Variants in HSD17B4 observed in about 807,000 individuals in gnomAD.
The protein encoded by HSD17B4 is hydroxysteroid 17-beta dehydrogenase 4, also known as peroxisomal multifunctional enzyme type 2.
In HSD17B4, 70 loss-of-function variants were observed where a neutral mutation model predicts 101.0. The observed-to-expected ratio is 0.69, with a 90% confidence interval of 0.57 to 0.85. HSD17B4 has a LOEUF of 0.85. HSD17B4 is among the 40% of genes least tolerant of loss of function. The probability of loss-of-function intolerance (pLI) is 0.00; values close to 1 mark genes in which losing one functional copy is unlikely to be tolerated. For missense variants in HSD17B4, 984 were observed against 892.4 expected (o/e 1.10, Z -1.31); for synonymous variants, 347 against 297.1 (o/e 1.17, Z -1.73).
intron 16 of HSD17B4, among the ~76,000 whole-genome samples, chr5:119,510,852 A>C (rs568687970): frequency 8.5e-5 from 13 of 152,186 alleles, no homozygotes; most frequent in Admixed American, 5.9e-4. Context: ...GCAGACTATT[A>C]ACTTTTCTTA....
rs775795599 is a variant in HSD17B4, at chr5:119,527,151, G to C, written c.1699G>C (p.Val567Leu). 1.9e-6 allele frequency: 3 copies of C among 1,602,168 alleles called. No individual in the cohort carries two copies. In the East Asian group the frequency reaches 6.7e-5, roughly 36 times the overall value. Residue 567 changes from valine (V) to leucine (L), a missense_variant, in exon 20 of 24, where the codon GTA becomes CTA. Transcript: ENST00000510025. ...KAIKARFAKP[V>L]YPGQTLQTEM... ...TTTAAAGGCTCGTTTTGCAAAACCA[G>C]TATATCCAGGACAAACTCTACAAAC...
intron 14 of HSD17B4, among the ~76,000 whole-genome samples, chr5:119,504,633 T>C (rs984276717): frequency 2.0e-5 from 3 of 152,138 alleles, no homozygotes; most frequent in African/African-American, 7.2e-5. Context: ...GGATTATTTG[T>C]TTTTTGCTTG....
intron 19 of HSD17B4, 45 bp from the exon 20 acceptor site, chr5:119,527,088 A>C: frequency 8.7e-7 from 1 of 1,145,700 alleles, no homozygotes; most frequent in Non-Finnish European, 1.3e-6. Flanking sequence ...CAAGTAAAAG[A>C]GTTTCCTTTT....
rs35513863 is a variant in HSD17B4, at chr5:119,456,418, A to C, written c.112+50A>C. 176 of 1,031,726 alleles carry C rather than the reference A, an allele frequency of 1.7e-4. 1 individual carries two copies. In the African/African-American group the frequency reaches 2.5e-3, roughly 15 times the overall value. 63.9% of individuals were successfully genotyped at this position (1,031,726 alleles called of 1,614,324 possible). A position where few individuals can be genotyped will look rare whatever the true frequency, so the allele number is the denominator to read the frequency against. On this transcript the variant is annotated intron_variant, in intron 2 of 23. Coordinates refer to ENST00000510025, the MANE Select transcript of HSD17B4 (RefSeq NM_000414.4). Reference sequence around the variant, plus strand: ...AATCTGTAGCTGATAACTGAAATACAATCTTTACAAGCTATCTTTGTCTTT... The same window carrying C: ...AATCTGTAGCTGATAACTGAAATACCATCTTTACAAGCTATCTTTGTCTTT...
At chr5:119,515,091 A>G (rs1752497635) in intron 17 of HSD17B4, 45 bp downstream of exon 17, 6 of 1,041,244 alleles carry the variant, frequency 5.8e-6, no homozygotes, top group Non-Finnish European at 9.1e-6. Flanking sequence ...CTGGTTGATG[A>G]CACTTTTTAA....
In HSD17B4 at chr5:119,477,659, A is replaced by T. The variant is rs201013794; in HGVS notation, c.434+158A>T. ...TGGTTTTGGCACATACCCTCATTAA[A>T]TTGGTATAATTTAGTCACAGATTGG... is the stretch of plus-strand genomic sequence containing the variant. On this transcript the variant is annotated intron_variant, in intron 7 of 23. Transcript: ENST00000510025. The T allele has an allele frequency of 4.6e-6, 3 of 656,058 alleles. No homozygotes were observed. The African/African-American group carries it at 5.4e-5, about 12-fold the overall frequency. 40.6% of individuals were successfully genotyped at this position (656,058 alleles called of 1,614,324 possible).
At chr5:119,526,819 C>CT (rs1372743805) in intron 19 of HSD17B4, among the ~76,000 whole-genome samples, 3 of 152,012 alleles carry the variant, frequency 2.0e-5, no homozygotes, top group Admixed American at 1.3e-4. Context: ...TTAACTGTTT[C>CT]TTTAAGTTGT....
In HSD17B4 at chr5:119,509,254, G is replaced by T. The variant is rs1299216692; in HGVS notation, c.1437+10G>T. 6.9e-7 allele frequency: 1 copy of T among 1,447,814 alleles called. No homozygotes were observed. The highest frequency in any genetic ancestry group is 1.1e-5 in the South Asian group (1 of 87,722). The allele number at this position is 1,447,814 out of a possible 1,614,324, so 89.7% of individuals were successfully genotyped here. A position where few individuals can be genotyped will look rare whatever the true frequency, so the allele number is the denominator to read the frequency against. ...ATCAGACAAAGTCAAGGTAAGCCAT[G>T]ACTTTGTAAGCAAAATATATGTGTA... On this transcript the variant is annotated intron_variant, in intron 16 of 23. Coordinates refer to ENST00000510025, the MANE Select transcript of HSD17B4 (RefSeq NM_000414.4).
At chr5:119,483,925 T>C (rs1173819781) in intron 8 of HSD17B4, among the ~76,000 whole-genome samples, 1 of 152,186 alleles carries the variant, frequency 6.6e-6, no homozygotes, top group Admixed American at 6.6e-5. Flanking sequence ...TTTCTAGTTG[T>C]CTAGAAAGAG....
chr5:119,531,164 CAG>C (rs1754059579), intron 21 of HSD17B4, 100 bp from the exon 22 acceptor site: 6 of 1,161,144 alleles, frequency 5.2e-6, no homozygotes, highest in Admixed American at 1.8e-5. Context: ...GACTTATGTA[CAG>C]AGTTTTAAAA....
intron 2 of HSD17B4, among the ~76,000 whole-genome samples, chr5:119,458,270 G>C (rs1179300275): frequency 1.3e-5 from 2 of 152,016 alleles, no homozygotes; most frequent in African/African-American, 4.8e-5. Context: ...CCTTTTTAAA[G>C]TCTGTGTCTT....
At chr5:119,466,301 A>G (rs1375105608) in intron 2 of HSD17B4, among the ~76,000 whole-genome samples, 1 of 152,140 alleles carries the variant, frequency 6.6e-6, no homozygotes. Flanking sequence ...TTTGGGTATC[A>G]GTATAATGCC....
intron 8 of HSD17B4, among the ~76,000 whole-genome samples, chr5:119,486,660 T>C (rs902388422): frequency 6.6e-6 from 1 of 152,182 alleles, no homozygotes; most frequent in East Asian, 1.9e-4. Flanking sequence ...AAGACTGTTA[T>C]GTGAATTTAC....
intron 2 of HSD17B4, among the ~76,000 whole-genome samples, chr5:119,473,087 T>C (rs1440716732): frequency 6.6e-6 from 1 of 152,154 alleles, no homozygotes; most frequent in East Asian, 1.9e-4. Flanking sequence ...CAGTGAACAT[T>C]GGAGTGCTAA....
chr5:119,517,765 G>A (rs572398198), intron 17 of HSD17B4, among the ~76,000 whole-genome samples: 139 of 152,096 alleles, frequency 9.1e-4, no homozygotes, highest in Non-Finnish European at 1.4e-3. Context: ...TCTAGCTCAG[G>A]GATTGTAAAT....
chr5:119,463,628 T>G (rs996768827), intron 2 of HSD17B4, among the ~76,000 whole-genome samples: 7 of 150,434 alleles, frequency 4.7e-5, no homozygotes, highest in Non-Finnish European at 7.4e-5. Flanking sequence ...GAACATTTTT[T>G]CATATACTTC....
At chr5:119,516,677 A>C (rs1017223921) in intron 17 of HSD17B4, among the ~76,000 whole-genome samples, 8 of 152,200 alleles carry the variant, frequency 5.3e-5, no homozygotes, top group South Asian at 2.1e-4. Flanking sequence ...ACTTTGCATA[A>C]ATTTCAGGGA....
intron 8 of HSD17B4, among the ~76,000 whole-genome samples, chr5:119,481,429 T>G (rs1261285033): frequency 6.6e-6 from 1 of 152,194 alleles, no homozygotes; most frequent in Non-Finnish European, 1.5e-5. Flanking sequence ...TCTCTGTTGG[T>G]GGCTTTTTTC....
intron 21 of HSD17B4, 118 bp from the exon 22 acceptor site, chr5:119,531,148 A>G: frequency 1.0e-6 from 1 of 960,062 alleles, no homozygotes; most frequent in Admixed American, 2.0e-5. Context: ...TTGTATGAAG[A>G]AAACTGACTT....
Sources: allele counts gnomAD v4.1 joint callset (sites outside exome capture counted in the v4.1 genomes callset), GRCh38; gene constraint gnomAD v4.1.1; transcripts MANE v1.5; gene names NCBI Gene and HGNC (gene_info 2026-07-23, HGNC 2026-07-21).